The following SEPTIN2 variants were observed in gnomAD, a reference collection of about 807,000 sequenced individuals.
SEPTIN2 encodes the protein septin 2.
A neutral mutation model predicts 46.5 loss-of-function variants in SEPTIN2; 34 were observed. That is an observed-to-expected ratio of 0.73 (90% CI 0.56 to 0.97). The LOEUF is 0.97. Ranked by LOEUF, SEPTIN2 falls within the 50% of genes least tolerant of loss-of-function variation. The pLI is 0.00. For missense variants in SEPTIN2, 347 were observed against 448.4 expected (o/e 0.77, Z 2.04); for synonymous variants, 175 against 153.4 (o/e 1.14, Z -1.04).
At chr2:241,325,949 T>C in intron 2 of SEPTIN2, 44 bp from the exon 3 acceptor site, 2 of 1,579,110 alleles carry the variant, frequency 1.3e-6, no homozygotes, top group East Asian at 2.3e-5. Flanking sequence ...TAAAAGCAAC[T>C]ACTAAGGTGT....
rs1284874061 is a variant in SEPTIN2, at chr2:241,318,702, CTTTTT to C, written c.-18+2733_-18+2737del. Among the ~76,000 whole-genome samples the C allele has an allele frequency of 3.0e-5, 4 of 132,438 alleles. No homozygotes were observed. The East Asian group carries it at 6.5e-4, about 22-fold the overall frequency. The allele number at this position is 132,438 out of a possible 152,430, so 86.9% of individuals were successfully genotyped here. ...TTTTTAACCAGAGTATTTGTATTTTCTTTTTTTTTTTTTTTTTGAGACAAAGTCTT... is the reference window on the plus strand; with the variant it reads ...TTTTTAACCAGAGTATTTGTATTTTCTTTTTTTTTTTTGAGACAAAGTCTT... On this transcript the variant is annotated intron_variant, in intron 1 of 12. Transcript: ENST00000391971.
chr2:241,344,878 T>C (rs536819752), intron 9 of SEPTIN2, among the ~76,000 whole-genome samples: 7 of 151,760 alleles, frequency 4.6e-5, no homozygotes, highest in South Asian at 2.1e-4. Flanking sequence ...CCAGCCTGGC[T>C]GACATGGTGA....
At chr2:241,336,130 T>C in intron 5 of SEPTIN2, 32 bp downstream of exon 5, 1 of 1,607,640 alleles carries the variant, frequency 6.2e-7, no homozygotes, top group South Asian at 1.1e-5. Context: ...GATCTGCATT[T>C]GTTTACTTAA....
intron 8 of SEPTIN2, 37 bp downstream of exon 8, chr2:241,343,130 C>A: frequency 8.9e-7 from 1 of 1,123,580 alleles, no homozygotes; most frequent in South Asian, 1.3e-5. Flanking sequence ...ATAAATAACT[C>A]CTGTTTACTG....
At chr2:241,342,461 G>T (rs899714251) in intron 7 of SEPTIN2, among the ~76,000 whole-genome samples, 1 of 148,710 alleles carries the variant, frequency 6.7e-6, no homozygotes, top group Non-Finnish European at 1.5e-5. Flanking sequence ...GTGCATTATT[G>T]CTAATGTTAT....
intron 10 of SEPTIN2, among the ~76,000 whole-genome samples, 167 bp from the exon 11 acceptor site, chr2:241,347,967 A>T (rs1345805244): frequency 1.3e-5 from 2 of 152,268 alleles, no homozygotes; most frequent in South Asian, 2.1e-4. Flanking sequence ...GTGAGCCAAG[A>T]TCATGCCACT....
chr2:241,350,274 T>A (rs1019371351), intron 12 of SEPTIN2, 71 bp downstream of exon 12: 2 of 867,478 alleles, frequency 2.3e-6, no homozygotes, highest in African/African-American at 3.5e-5. Flanking sequence ...ATATGACAGG[T>A]TCCTCCTTAA....
In SEPTIN2 at chr2:241,324,232, G is replaced by C. The variant is rs772730292; in HGVS notation, c.-1G>C. On this transcript the variant is annotated 5_prime_UTR_variant, in exon 2 of 13. Transcript: ENST00000391971. ...TTTTAACAGACGAAGCTTCACAAAAGATGTCTAAGGTAAGATCATACTTCA... is the reference window on the plus strand; with the variant it reads ...TTTTAACAGACGAAGCTTCACAAAACATGTCTAAGGTAAGATCATACTTCA... 3 of 1,610,786 alleles carry C rather than the reference G, an allele frequency of 1.9e-6. No homozygotes were observed. The highest frequency in any genetic ancestry group is 2.5e-6 in the Non-Finnish European group (3 of 1,178,994).
At chr2:241,348,882 T>G (rs1245528658) in intron 11 of SEPTIN2, among the ~76,000 whole-genome samples, 1 of 152,218 alleles carries the variant, frequency 6.6e-6, no homozygotes, top group Non-Finnish European at 1.5e-5. Flanking sequence ...CATAATGGGC[T>G]AGCCTTTTGG....
intron 1 of SEPTIN2, among the ~76,000 whole-genome samples, chr2:241,318,897 C>A (rs763359925): frequency 1.3e-5 from 2 of 151,938 alleles, no homozygotes; most frequent in Non-Finnish European, 2.9e-5. Context: ...GGGGTTTCAC[C>A]ATGTTGGCCA....
intron 7 of SEPTIN2, among the ~76,000 whole-genome samples, chr2:241,338,612 A>G (rs2080462198): frequency 7.6e-6 from 1 of 132,006 alleles, no homozygotes; most frequent in African/African-American, 2.8e-5. Context: ...TATTTTATAT[A>G]TATAATATAT....
intron 7 of SEPTIN2, among the ~76,000 whole-genome samples, chr2:241,342,267 T>TC (rs1465003165): frequency 6.6e-6 from 1 of 151,986 alleles, no homozygotes; most frequent in East Asian, 1.9e-4. Context: ...TTTTTTTCCA[T>TC]CTGGGGTACT....
In SEPTIN2 at chr2:241,325,999, C is replaced by A. The variant is rs2077906600; in HGVS notation, c.16C>A (p.Pro6Thr). 6.2e-7 allele frequency: 1 copy of A among 1,611,960 alleles called. No individual in the cohort carries two copies. The highest frequency in any genetic ancestry group is 8.5e-7 in the Non-Finnish European group (1 of 1,179,076). Residue 6 changes from proline to threonine, a missense_variant, in exon 3 of 13, where the codon CCA becomes ACA. By Grantham distance (38) the Pro-to-Thr change is conservative. Transcript: ENST00000391971. MSKQQ[P>T]TQFINPETPG... ...GTTTTTTAATCTTATTTAGCAACAG[C>A]CAACTCAGTTTATAAATCCAGAAAC... is the stretch of plus-strand genomic sequence containing the variant.
At chr2:241,343,456 G>A (rs1029526768) in intron 8 of SEPTIN2, among the ~76,000 whole-genome samples, 3 of 151,542 alleles carry the variant, frequency 2.0e-5, no homozygotes, top group Non-Finnish European at 2.9e-5. Flanking sequence ...CCGAGATCGC[G>A]CCTCTGCACT....
At chr2:241,316,685 C>CA in intron 1 of SEPTIN2, 1 of 566,028 alleles carries the variant, frequency 1.8e-6, no homozygotes, top group Non-Finnish European at 2.9e-6. Context: ...CTGGCCCAGA[C>CA]AAACCTGGCT....
rs2081346308 is a variant in SEPTIN2, at chr2:241,342,236, T to G, written c.595-756T>G. Among the ~76,000 whole-genome samples the G allele has an allele frequency of 1.3e-5, 2 of 152,092 alleles. 1 individual carries two copies. The highest frequency in any genetic ancestry group is 4.1e-4 in the South Asian group (2 of 4,826). On this transcript the variant is annotated intron_variant, in intron 7 of 12. Coordinates refer to ENST00000391971, the MANE Select transcript of SEPTIN2 (RefSeq NM_004404.5). ...CTCTGTGCCTTTGACGAGGTTTTGT[T>G]TTTTTTTCTTTCTTTCTTCCTTTTT...
At chr2:241,327,021 C>G (rs1412599923) in intron 3 of SEPTIN2, among the ~76,000 whole-genome samples, 1 of 133,424 alleles carries the variant, frequency 7.5e-6, no homozygotes, top group Non-Finnish European at 1.5e-5. Context: ...GCACTCAAGC[C>G]TCAAGCCTGG....
intron 9 of SEPTIN2, 144 bp downstream of exon 9, chr2:241,344,041 T>A: frequency 9.7e-7 from 1 of 1,032,810 alleles, no homozygotes; most frequent in Non-Finnish European, 1.4e-6. Context: ...AGAAGTGGTG[T>A]GGGGCTGTTG....
chr2:241,337,545 C>T (rs1326409188), intron 6 of SEPTIN2, 29 bp downstream of exon 6: 1 of 1,610,704 alleles, frequency 6.2e-7, no homozygotes, highest in Non-Finnish European at 8.5e-7. Flanking sequence ...TGGAGAAATG[C>T]TTTACTACAT....
Sources: allele counts gnomAD v4.1 joint callset (sites outside exome capture counted in the v4.1 genomes callset), GRCh38; gene constraint gnomAD v4.1.1; transcripts MANE v1.5; gene names NCBI Gene and HGNC (gene_info 2026-07-23, HGNC 2026-07-21).